Variants in DLGAP2 observed in about 807,000 individuals in gnomAD.
DLGAP2 encodes DLG associated protein 2.
DLGAP2 carries 26 observed loss-of-function variants against 100.3 expected under a neutral mutation model. The ratio of observed to expected loss-of-function variants is 0.26; its 90% confidence interval spans 0.19 to 0.36. The LOEUF is 0.36. Ranked by LOEUF, DLGAP2 falls within the 10% of genes least tolerant of loss-of-function variation. DLGAP2 has a pLI of 1.00. For missense variants in DLGAP2, 1,858 were observed against 1,453.2 expected (o/e 1.28, Z -4.53); for synonymous variants, 886 against 630.1 (o/e 1.41, Z -6.08).
chr8:1,156,741 C>G (rs1314211124), intron 2 of DLGAP2, among the ~76,000 whole-genome samples: 2 of 152,162 alleles, frequency 1.3e-5, no homozygotes, highest in Non-Finnish European at 2.9e-5. Flanking sequence ...ACTCAGCACC[C>G]CCGTTTGGTG....
At chr8:1,384,037 C>T (rs1796156361) in intron 3 of DLGAP2, among the ~76,000 whole-genome samples, 1 of 152,180 alleles carries the variant, frequency 6.6e-6, no homozygotes, top group African/African-American at 2.4e-5. Context: ...AAGGGGTTTT[C>T]GTTATTCACT....
In DLGAP2 at chr8:1,483,748, C is replaced by G. The variant is rs72507652; in HGVS notation, c.107-17618C>G. On this transcript the variant is annotated intron_variant, in intron 3 of 14. Transcript: ENST00000637795. ...GGAAGGCAGGTGCAGAATGTGGGGACCAGGGAGGCATGTGCAGGACATGGG... is the reference window on the plus strand; with the variant it reads ...GGAAGGCAGGTGCAGAATGTGGGGAGCAGGGAGGCATGTGCAGGACATGGG... Among the ~76,000 whole-genome samples, 147 of 151,380 alleles carry G rather than the reference C, an allele frequency of 9.7e-4. No homozygotes were observed. In the East Asian group the frequency reaches 0.026, roughly 27 times the overall value.
chr8:768,397 G>A (rs927316163), intron 1 of DLGAP2, among the ~76,000 whole-genome samples: 5 of 149,692 alleles, frequency 3.3e-5, no homozygotes, highest in African/African-American at 1.2e-4. Flanking sequence ...ACTTCAGCAT[G>A]AACCAGGAGG....
At chr8:934,964 C>T (rs1799036660) in intron 2 of DLGAP2, among the ~76,000 whole-genome samples, 4 of 152,228 alleles carry the variant, frequency 2.6e-5, no homozygotes, top group Admixed American at 2.6e-4. Context: ...TCTGTCTCTT[C>T]AGCGTTTCCA....
At chr8:1,612,773 C>CA (rs1238241742) in intron 6 of DLGAP2, among the ~76,000 whole-genome samples, 1 of 121,190 alleles carries the variant, frequency 8.3e-6, no homozygotes, top group Non-Finnish European at 1.7e-5. Context: ...TTTATGCAGC[C>CA]AAAAAACACA....
At chr8:1,282,808 C>T (rs1799842913) in intron 3 of DLGAP2, among the ~76,000 whole-genome samples, 2 of 91,672 alleles carry the variant, frequency 2.2e-5, no homozygotes, top group South Asian at 4.1e-4. Context: ...GCACGTGAAC[C>T]ATCTGGACAT....
At chr8:1,409,063 T>C (rs1796654368) in intron 3 of DLGAP2, among the ~76,000 whole-genome samples, 1 of 152,172 alleles carries the variant, frequency 6.6e-6, no homozygotes, top group Non-Finnish European at 1.5e-5. Flanking sequence ...GCCCAACCCC[T>C]TCCTCACTGT....
intron 3 of DLGAP2, among the ~76,000 whole-genome samples, chr8:1,450,938 T>C (rs1371293064): frequency 6.6e-6 from 1 of 152,182 alleles, no homozygotes; most frequent in Non-Finnish European, 1.5e-5. Flanking sequence ...CTTCTCTTTG[T>C]ATAATTTCTC....
chr8:947,827 A>G (rs565525698), intron 2 of DLGAP2, among the ~76,000 whole-genome samples: 23 of 149,226 alleles, frequency 1.5e-4, no homozygotes, highest in African/African-American at 5.5e-4. Context: ...CGTGTGTGCC[A>G]TGGCTCCCGA....
intron 3 of DLGAP2, among the ~76,000 whole-genome samples, chr8:1,416,338 C>T (rs995672520): frequency 6.6e-6 from 1 of 152,198 alleles, no homozygotes; most frequent in African/African-American, 2.4e-5. Context: ...AGGTGTCCGC[C>T]TTCGTATTTC....
intron 3 of DLGAP2, among the ~76,000 whole-genome samples, chr8:1,489,368 G>T (rs779862658): frequency 9.9e-5 from 15 of 152,216 alleles, no homozygotes; most frequent in South Asian, 2.1e-4. Flanking sequence ...AGGGACTGTT[G>T]TTCTGTGGGT....
At chr8:795,634 G>A (rs1393166928) in intron 1 of DLGAP2, among the ~76,000 whole-genome samples, 2 of 133,976 alleles carry the variant, frequency 1.5e-5, no homozygotes, top group Non-Finnish European at 3.4e-5. Flanking sequence ...GAGAGCAGGC[G>A]TCCAGTGAGA....
chr8:1,481,974 C>T (rs1245231742), intron 3 of DLGAP2, among the ~76,000 whole-genome samples: 1 of 152,190 alleles, frequency 6.6e-6, no homozygotes, highest in African/African-American at 2.4e-5. Context: ...GTAGGAGGGG[C>T]CCCAATGACT....
intron 3 of DLGAP2, among the ~76,000 whole-genome samples, chr8:1,451,738 C>G (rs1183057787): frequency 3.3e-5 from 5 of 152,198 alleles, no homozygotes; most frequent in Non-Finnish European, 7.3e-5. Context: ...CCATCTATGT[C>G]CAGGAGCTCC....
chr8:837,886 G>GTTT lies in DLGAP2; in HGVS notation c.19-70022_19-70020dup, dbSNP rs1250374583. 3.3e-4 allele frequency among the ~76,000 whole-genome samples: 37 copies of GTTT among 111,094 alleles called. 1 individual carries two copies. The highest frequency in any genetic ancestry group is 1.4e-3 in the East Asian group (5 of 3,532). The allele number at this position is 111,094 out of a possible 152,430, so 72.9% of individuals were successfully genotyped here. On this transcript the variant is annotated intron_variant, in intron 1 of 14. Coordinates refer to ENST00000637795, the MANE Select transcript of DLGAP2 (RefSeq NM_001346810.2). ...CATGCATCACCACGCCCGGCTAGTT[G>GTTT]TTTTTTGTTTTTTTTTTTTTCTTTT...
intron 3 of DLGAP2, among the ~76,000 whole-genome samples, chr8:1,362,353 C>T (rs1006445856): frequency 6.6e-6 from 1 of 152,100 alleles, no homozygotes; most frequent in African/African-American, 2.4e-5. Context: ...CTCTTGACCT[C>T]AGGTAGGTTG....
chr8:812,816 G>T (rs1266238226), intron 1 of DLGAP2, among the ~76,000 whole-genome samples: 2 of 152,202 alleles, frequency 1.3e-5, no homozygotes, highest in African/African-American at 4.8e-5. Flanking sequence ...CAGCTTTGGA[G>T]CATGGGAGCA....
chr8:1,283,555 C>T (rs1799863689), intron 3 of DLGAP2, among the ~76,000 whole-genome samples: 1 of 152,176 alleles, frequency 6.6e-6, no homozygotes, highest in Non-Finnish European at 1.5e-5. Flanking sequence ...CTCGGCTTTG[C>T]TTCGTTATAA....
chr8:1,137,105 T>C (rs573415290), intron 2 of DLGAP2, among the ~76,000 whole-genome samples: 1 of 152,258 alleles, frequency 6.6e-6, no homozygotes, highest in South Asian at 2.1e-4. Flanking sequence ...GCCTGGTTGG[T>C]TTCTCCTGAG....
Sources: allele counts gnomAD v4.1 joint callset (sites outside exome capture counted in the v4.1 genomes callset), GRCh38; gene constraint gnomAD v4.1.1; transcripts MANE v1.5; gene names NCBI Gene and HGNC (gene_info 2026-07-23, HGNC 2026-07-21).